LRFN5: variants seen among roughly 807,000 people sequenced by gnomAD.
The protein encoded by LRFN5 is leucine-rich repeat and fibronectin type-III domain-containing protein 5.
In LRFN5, 24 loss-of-function variants were observed where a neutral mutation model predicts 45.6. That is an observed-to-expected ratio of 0.53 (90% confidence interval 0.38 to 0.74). The LOEUF is 0.74. LRFN5 is among the 30% of genes least tolerant of loss of function. The pLI, the probability that LRFN5 is intolerant of heterozygous loss-of-function variation, is 0.00. For missense variants in LRFN5, 776 were observed against 861.5 expected, an observed-to-expected ratio of 0.90 and a Z score of 1.24; for synonymous variants, 340 against 313.8, an observed-to-expected ratio of 1.08 and a Z score of -0.88.
Position 41,606,925 on chromosome 14 carries a change from C to G in LRFN5, c.-1834C>G, listed in dbSNP as rs1161262333. ...CAGCGCAGGGCTCAGTTCCACGCGG[C>G]CAGGAGGCCGCCGTTGCCCACACGC... On this transcript the variant is annotated 5_prime_UTR_variant, in exon 1 of 6. Coordinates refer to ENST00000298119, the MANE Select transcript of LRFN5 (RefSeq NM_152447.5). Among the ~76,000 whole-genome samples the G allele has an allele frequency of 2.6e-5, 4 of 151,956 alleles. No homozygotes were observed. Among genetic ancestry groups the G allele is most frequent in the Non-Finnish European group, 5.9e-5 (4 of 67,954 alleles).
chr14:41,660,421 G>A (rs1594590260), intron 1 of LRFN5, among the ~76,000 whole-genome samples: 1 of 152,048 alleles, frequency 6.6e-6, no homozygotes, highest in African/African-American at 2.4e-5. Context: ...GTAGTTATGC[G>A]ATGGATTACA....
At chr14:41,627,328 T>C (rs148818798) in intron 1 of LRFN5, among the ~76,000 whole-genome samples, 2,812 of 152,116 alleles carry the variant, frequency 0.018, 81 homozygotes, top group African/African-American at 0.064. Context: ...AGGTTATTTC[T>C]GGGAAATGAG....
At position 41,887,136 on chromosome 14, in the gene LRFN5, G is replaced by C; in HGVS notation, c.511G>C (p.Val171Leu). 6.2e-7 allele frequency: 1 copy of C among 1,614,050 alleles called. No homozygotes were observed. The highest frequency in any genetic ancestry group is 8.5e-7 in the Non-Finnish European group (1 of 1,180,030). The change falls in exon 3 of 6, where the codon GTT becomes CTT. Residue 171 changes from valine to leucine, a missense_variant. Around this residue, in one of 2 missense-constraint regions of LRFN5, gnomAD observed 311 missense variants for 405.1 expected, o/e 0.77. Coordinates refer to ENST00000298119, the MANE Select transcript of LRFN5 (RefSeq NM_152447.5). The surrounding 1 kb of genome is among the most constrained non-coding windows in gnomAD (Gnocchi z 4.8). ...TIPWDAVEKM[V>L]SLHTLSLDHN... Reference sequence around the variant, plus strand: ...TCCTTGGGATGCTGTTGAGAAGATGGTTAGCTTGCATACCCTTAGTTTGGA... The same window carrying C: ...TCCTTGGGATGCTGTTGAGAAGATGCTTAGCTTGCATACCCTTAGTTTGGA...
chr14:41,685,993 T>C (rs544074568), intron 1 of LRFN5, among the ~76,000 whole-genome samples: 7 of 152,336 alleles, frequency 4.6e-5, no homozygotes, highest in African/African-American at 1.4e-4. Context: ...TTTTTTCTAA[T>C]TCTGTGAAGA....
chr14:41,703,639 G>T (rs1304200831), intron 1 of LRFN5, among the ~76,000 whole-genome samples: 1 of 151,898 alleles, frequency 6.6e-6, no homozygotes, highest in Admixed American at 6.6e-5. Flanking sequence ...TTTCTTTTGG[G>T]AGAATAACTA....
intron 1 of LRFN5, among the ~76,000 whole-genome samples, chr14:41,743,775 C>T (rs147572471): frequency 1.6e-3 from 243 of 152,246 alleles, no homozygotes; most frequent in African/African-American, 5.5e-3. Flanking sequence ...TAGATCAAAA[C>T]ATCACATTTT....
chr14:41,743,335 A>G (rs1217267169), intron 1 of LRFN5, among the ~76,000 whole-genome samples: 2 of 147,082 alleles, frequency 1.4e-5, no homozygotes, highest in East Asian at 3.9e-4. Flanking sequence ...TGTATGCTAG[A>G]GACTTGAGCC....
Position 41,891,484 on chromosome 14 carries a change from T to C in LRFN5, c.1620T>C (p.Ser540=), listed in dbSNP as rs1403858093. ...TTATTGGTGGAATCATTGTAGCATCTGTGCTGGTATTCATCATTATTCTGA... is the reference window on the plus strand; with the variant it reads ...TTATTGGTGGAATCATTGTAGCATCCGTGCTGGTATTCATCATTATTCTGA... ...IIIIGGIIVA[S]VLVFIIILMI... is the part of the protein sequence containing the mutation. The change falls in exon 4 of 6, where the codon TCT becomes TCC. Residue 540 remains serine (S), a synonymous_variant. Coordinates refer to ENST00000298119, the MANE Select transcript of LRFN5 (RefSeq NM_152447.5). 1 of 1,614,194 alleles carries C rather than the reference T, an allele frequency of 6.2e-7. No individual in the cohort carries two copies. The highest frequency in any genetic ancestry group is 1.3e-5 in the African/African-American group (1 of 75,046).
At chr14:41,833,351 T>C (rs539722488) in intron 2 of LRFN5, among the ~76,000 whole-genome samples, 1 of 152,308 alleles carries the variant, frequency 6.6e-6, no homozygotes, top group Admixed American at 6.5e-5. Flanking sequence ...ATTTCTTCGT[T>C]CTCTGGATTC....
rs1440853973 is a variant in LRFN5, at chr14:41,681,820, ATTTATTTTTTT to A, written c.-197+73262_-197+73272del. ...ATTTTATTTATTTATTTATTTATTT[ATTTATTTTTTT>A]TTTTTGTGATGGAGTCTCACTCTGT... On this transcript the variant is annotated intron_variant, in intron 1 of 5. Coordinates refer to ENST00000298119, the MANE Select transcript of LRFN5 (RefSeq NM_152447.5). Among the ~76,000 whole-genome samples, 5 of 93,820 alleles carry A rather than the reference ATTTATTTTTTT, an allele frequency of 5.3e-5. No individual in the cohort carries two copies. In the South Asian group the frequency reaches 1.8e-3, roughly 33 times the overall value. 61.5% of individuals were successfully genotyped at this position (93,820 alleles called of 152,430 possible).
At chr14:41,806,051 GCCATCTC>G (rs1887515163) in intron 2 of LRFN5, among the ~76,000 whole-genome samples, 1 of 152,124 alleles carries the variant, frequency 6.6e-6, no homozygotes, top group East Asian at 1.9e-4. Context: ...GCCCCTGGCA[GCCATCTC>G]CAAATATGTC....
chr14:41,675,363 G>C, intron 1 of LRFN5, among the ~76,000 whole-genome samples: 1 of 152,262 alleles, frequency 6.6e-6, no homozygotes, highest in East Asian at 1.9e-4. Flanking sequence ...CACCTCGGGA[G>C]GCCGAGGCTG....
At chr14:41,675,761 G>A (rs1299882215) in intron 1 of LRFN5, among the ~76,000 whole-genome samples, 1 of 152,040 alleles carries the variant, frequency 6.6e-6, no homozygotes, top group Non-Finnish European at 1.5e-5. Flanking sequence ...TGATCAGTTG[G>A]CTTCCAACAT....
In LRFN5 at chr14:41,891,657, A is replaced by G. The variant is rs773153003; in HGVS notation, c.1793A>G (p.Glu598Gly). 1 of 1,614,198 alleles carries G rather than the reference A, an allele frequency of 6.2e-7. No individual in the cohort carries two copies. The highest frequency in any genetic ancestry group is 8.5e-7 in the Non-Finnish European group (1 of 1,180,042). ...TCCAAACAAGCTGTGGGACACGAAG[A>G]GAATGCCCAGTGTTGTAAAGCTACC... is the stretch of plus-strand genomic sequence containing the variant. ...SVSKQAVGHE[E>G]NAQCCKATSD... Residue 598 changes from glutamate (E) to glycine (G), a missense_variant, in exon 4 of 6, where the codon GAG becomes GGG. Coordinates refer to ENST00000298119, the MANE Select transcript of LRFN5 (RefSeq NM_152447.5).
intron 1 of LRFN5, among the ~76,000 whole-genome samples, chr14:41,713,617 A>G (rs960157176): frequency 1.3e-5 from 2 of 152,178 alleles, no homozygotes; most frequent in Non-Finnish European, 2.9e-5. Flanking sequence ...CAATAAACCT[A>G]TAGAAGTACT....
chr14:41,858,705 A>G (rs1889558531), intron 2 of LRFN5, among the ~76,000 whole-genome samples: 1 of 152,122 alleles, frequency 6.6e-6, no homozygotes, highest in Non-Finnish European at 1.5e-5. Context: ...ACTCACTTTC[A>G]CCACTCTTTA....
chr14:41,812,572 G>T (rs1566459172), intron 2 of LRFN5, among the ~76,000 whole-genome samples: 1 of 151,506 alleles, frequency 6.6e-6, no homozygotes, highest in Non-Finnish European at 1.5e-5. Flanking sequence ...TTTTATTTTT[G>T]TAACTTCAGC....
intron 1 of LRFN5, among the ~76,000 whole-genome samples, chr14:41,736,754 A>G (rs1302915845): frequency 6.6e-6 from 1 of 152,226 alleles, no homozygotes; most frequent in Non-Finnish European, 1.5e-5. Context: ...AATCTAGAGG[A>G]AATGGATAAA....
chr14:41,687,398 A>C (rs1048729817), intron 1 of LRFN5, among the ~76,000 whole-genome samples: 1 of 152,198 alleles, frequency 6.6e-6, no homozygotes, highest in African/African-American at 2.4e-5. Flanking sequence ...GGTAAAGTAA[A>C]TTAGTTCAAC....
Sources: allele counts gnomAD v4.1 joint callset (sites outside exome capture counted in the v4.1 genomes callset), GRCh38; gene constraint gnomAD v4.1.1; regional missense constraint gnomAD v4.1.1; non-coding constraint Gnocchi (gnomAD v3.1); transcripts MANE v1.5; gene names NCBI Gene and HGNC (gene_info 2026-07-23, HGNC 2026-07-21).